SLC5A6: variants seen among roughly 807,000 people sequenced by gnomAD.
SLC5A6 encodes solute carrier family 5 member 6.
A neutral mutation model predicts 67.9 loss-of-function variants in SLC5A6; 31 were observed. The ratio of observed to expected loss-of-function variants is 0.46; its 90% CI spans 0.34 to 0.62. The LOEUF (loss-of-function observed/expected upper bound fraction) is 0.62, where lower values mean the gene tolerates loss of function less well. Ranked by LOEUF, SLC5A6 falls within the 20% of genes least tolerant of loss-of-function variation. The pLI, the probability that SLC5A6 is intolerant of heterozygous loss-of-function variation, is 0.01. For missense variants in SLC5A6, 673 were observed against 812.8 expected (o/e 0.83, Z 2.09); for synonymous variants, 343 against 331.0 (o/e 1.04, Z -0.39).
At position 27,206,539 on chromosome 2, in the gene SLC5A6, T is replaced by A; in HGVS notation, c.460-5A>T. On this transcript the variant is annotated splice_region_variant and splice_polypyrimidine_tract_variant and intron_variant, in intron 4 of 16. Transcript: ENST00000310574. The stretch of plus-strand genomic sequence containing the variant: ...CACAACTCCCATGTAGATCACCTGT[T>A]GCATGTGGAAAAAATGTGATGGGGG... 6.2e-7 allele frequency: 1 copy of A among 1,613,966 alleles called. No individual in the cohort carries two copies. Among genetic ancestry groups the A allele is most frequent in the East Asian group, 2.2e-5 (1 of 44,888 alleles).
intron 2 of SLC5A6, among the ~76,000 whole-genome samples, chr2:27,210,296 T>C (rs550325770): frequency 6.6e-6 from 1 of 152,310 alleles, no homozygotes; most frequent in Admixed American, 6.5e-5. Context: ...GATCTGTAGT[T>C]TTCTAAACAC....
rs534208208 is a variant in SLC5A6, at chr2:27,212,036, G to A, written c.-224C>T. ...CATGTTTACTGAGGGCGGATGGAGGGGCCCGAGTTTCTGCGAAGCCGCGAC... is the reference window on the plus strand; with the variant it reads ...CATGTTTACTGAGGGCGGATGGAGGAGCCCGAGTTTCTGCGAAGCCGCGAC... On this transcript the variant is annotated 5_prime_UTR_variant, in exon 1 of 17. Coordinates refer to ENST00000310574, the MANE Select transcript of SLC5A6 (RefSeq NM_021095.4). 4.6e-6 allele frequency: 4 copies of A among 863,500 alleles called. No individual in the cohort carries two copies. The highest frequency in any genetic ancestry group is 6.8e-6 in the Non-Finnish European group (4 of 586,062). 53.5% of individuals were successfully genotyped at this position (863,500 alleles called of 1,614,324 possible).
In SLC5A6 at chr2:27,204,883, G is replaced by A. The variant is rs763248415; in HGVS notation, c.783C>T (p.Phe261=). ...AGGAGAGCATCATGAAGACACCCCCGAAGGCCAAGGTCCAGAAGGTGTGCC... is the reference window on the plus strand; with the variant it reads ...AGGAGAGCATCATGAAGACACCCCCAAAGGCCAAGGTCCAGAAGGTGTGCC... ...FVRHTFWTLA[F]GGVFMMLSLY... The change falls in exon 8 of 17, where the codon TTC becomes TTT. Residue 261 remains phenylalanine, a synonymous_variant. Transcript: ENST00000310574. 13 of 1,613,958 alleles carry A rather than the reference G, an allele frequency of 8.1e-6. No individual in the cohort carries two copies. The highest frequency in any genetic ancestry group is 1.6e-4 in the Middle Eastern group (1 of 6,084).
Position 27,201,330 on chromosome 2 carries a change from C to A in SLC5A6, c.1648+20G>T. 1 of 1,534,890 alleles carries A rather than the reference C, an allele frequency of 6.5e-7. No individual in the cohort carries two copies. Among genetic ancestry groups the A allele is most frequent in the African/African-American group, 1.4e-5 (1 of 73,366 alleles). Reference sequence around the variant, plus strand: ...GTTAACCCCTCGGTGCTCATCTGCACCGCAATCCCACACCCTTACCAGTGA... The same window carrying A: ...GTTAACCCCTCGGTGCTCATCTGCAACGCAATCCCACACCCTTACCAGTGA... On this transcript the variant is annotated intron_variant, in intron 15 of 16. Transcript: ENST00000310574.
rs759555703 is a variant in SLC5A6 at position 27,206,899 on chromosome 2, G to A, written c.437C>T (p.Thr146Ile). Reference sequence around the variant, plus strand: ...TACCATCTGAAAGATGAAGGTCACAGTTCCACACACTCGCACAGTTTTATT... The same window carrying A: ...TACCATCTGAAAGATGAAGGTCACAATTCCACACACTCGCACAGTTTTATT... ...RFNKTVRVCG[T>I]VTFIFQMVIY... Residue 146 changes from threonine to isoleucine, a missense_variant, in exon 4 of 17, where the codon ACT (threonine) becomes ATT (isoleucine). Coordinates refer to ENST00000310574, the MANE Select transcript of SLC5A6 (RefSeq NM_021095.4). The A allele has an allele frequency of 3.1e-6, 5 of 1,613,724 alleles. No individual in the cohort carries two copies. Among genetic ancestry groups the A allele is most frequent in the Non-Finnish European group, 4.2e-6 (5 of 1,179,754 alleles).
chr2:27,201,606 C>G (rs1324120563), intron 14 of SLC5A6, 60 bp downstream of exon 14: 1 of 1,546,186 alleles, frequency 6.5e-7, no homozygotes, highest in Non-Finnish European at 8.9e-7. Context: ...AGCAAGACCC[C>G]TGTGAAAGCC....
In SLC5A6 at chr2:27,207,210, C is replaced by G. The variant is rs769582732; in HGVS notation, c.393+48G>C. On this transcript the variant is annotated intron_variant, in intron 3 of 16. Transcript: ENST00000310574. This position sits in a 1 kb window ranked among gnomAD's most constrained non-coding sequence, Gnocchi z 5.5. Reference sequence around the variant, plus strand: ...CTTCCTATGTGCCTGTCCCTCCTCTCCACCCCAACCCGTGTCCCACGCACT... The same window carrying G: ...CTTCCTATGTGCCTGTCCCTCCTCTGCACCCCAACCCGTGTCCCACGCACT... 1.1e-5 allele frequency: 17 copies of G among 1,593,244 alleles called. No individual in the cohort carries two copies. The highest frequency in any genetic ancestry group is 1.4e-5 in the Non-Finnish European group (16 of 1,167,256).
chr2:27,200,336 C>A lies in SLC5A6; in HGVS notation c.*100G>T. 8.2e-7 allele frequency: 1 copy of A among 1,218,434 alleles called. No individual in the cohort carries two copies. Among genetic ancestry groups the A allele is most frequent in the Non-Finnish European group, 1.1e-6 (1 of 879,472 alleles). 75.5% of individuals were successfully genotyped at this position (1,218,434 alleles called of 1,614,324 possible). ...TTGGTATGAGCTAGATCATCCAGGC[C>A]TGTCCCTGCAGAACACACCAAGACT... On this transcript the variant is annotated 3_prime_UTR_variant, in exon 17 of 17. Transcript: ENST00000310574.
At chr2:27,212,450 G>A, upstream of SLC5A6, 1 of 1,563,288 alleles carries the variant, frequency 6.4e-7, no homozygotes, top group Non-Finnish European at 8.7e-7. Flanking sequence ...CGTGGAAAGG[G>A]CTCTGGCGCT....
intron 13 of SLC5A6, 39 bp downstream of exon 13, chr2:27,201,949 C>A (rs1673675001): frequency 1.2e-6 from 2 of 1,607,906 alleles, no homozygotes; most frequent in Non-Finnish European, 1.7e-6. Flanking sequence ...CCAGGTCCAT[C>A]CTGCTACACA....
chr2:27,210,249 A>G (rs894281792), intron 2 of SLC5A6, among the ~76,000 whole-genome samples: 1 of 152,210 alleles, frequency 6.6e-6, no homozygotes, highest in Non-Finnish European at 1.5e-5. Flanking sequence ...GAAGACAGGA[A>G]AAACCTGACC....
rs1475295919 is a variant in SLC5A6 at position 27,206,545 on chromosome 2, T to C, written c.460-11A>G. On this transcript the variant is annotated splice_polypyrimidine_tract_variant and intron_variant, in intron 4 of 16. Coordinates refer to ENST00000310574, the MANE Select transcript of SLC5A6 (RefSeq NM_021095.4). ...TCCCATGTAGATCACCTGTTGCATG[T>C]GGAAAAAATGTGATGGGGGCCGGAG... is the stretch of plus-strand genomic sequence containing the variant. 4.3e-6 allele frequency: 7 copies of C among 1,613,316 alleles called. No individual in the cohort carries two copies. The South Asian group carries it at 7.7e-5, about 18-fold the overall frequency.
At chr2:27,201,478 A>G (rs1225261386) in intron 14 of SLC5A6, 25 bp from the exon 15 acceptor site, 1 of 1,527,612 alleles carries the variant, frequency 6.5e-7, no homozygotes, top group Non-Finnish European at 9.1e-7. Context: ...GGTGAGAACA[A>G]TTAGCAATTC....
At chr2:27,209,876 AC>A in intron 2 of SLC5A6, among the ~76,000 whole-genome samples, 1 of 152,324 alleles carries the variant, frequency 6.6e-6, no homozygotes, top group African/African-American at 2.4e-5. Context: ...CACATGTTCT[AC>A]AAGATTCCCA....
At position 27,201,354 on chromosome 2, in the gene SLC5A6, G is replaced by C; in HGVS notation, c.1644C>G (p.Leu548=). 1 of 1,599,968 alleles carries C rather than the reference G, an allele frequency of 6.3e-7. No homozygotes were observed. Among genetic ancestry groups the C allele is most frequent in the Non-Finnish European group, 8.6e-7 (1 of 1,167,078 alleles). The change falls in exon 15 of 17, where the codon CTC becomes CTG. Residue 548 remains leucine, a synonymous_variant. Coordinates refer to ENST00000310574, the MANE Select transcript of SLC5A6 (RefSeq NM_021095.4). ...ACCGCAATCCCACACCCTTACCAGT[G>C]AGTAGACTGACAATCAGGCCCACCA... is the stretch of plus-strand genomic sequence containing the variant. ...VIVVGLIVSL[L]TGRMRGRSLN...
Position 27,212,000 on chromosome 2 carries a change from C to G in SLC5A6, c.-208+20G>C. On this transcript the variant is annotated intron_variant, in intron 1 of 16. Transcript: ENST00000310574. The stretch of plus-strand genomic sequence containing the variant: ...CTGCCCGCCCCCTGCCCGCCCCGCT[C>G]GCCGTGCCGCCATGTTTACTGAGGG... The G allele has an allele frequency of 1.6e-6, 1 of 634,422 alleles. No homozygotes were observed. The highest frequency in any genetic ancestry group is 2.5e-6 in the Non-Finnish European group (1 of 402,022). The allele number at this position is 634,422 out of a possible 1,614,324, so 39.3% of individuals were successfully genotyped here.
intron 2 of SLC5A6, among the ~76,000 whole-genome samples, chr2:27,209,639 C>T (rs938009798): frequency 6.6e-6 from 1 of 152,208 alleles, no homozygotes; most frequent in African/African-American, 2.4e-5. Flanking sequence ...CAGTCATTCA[C>T]AGGACATAGT....
At chr2:27,212,602 A>T, upstream of SLC5A6, 1 of 1,438,940 alleles carries the variant, frequency 6.9e-7, no homozygotes, top group South Asian at 1.5e-5. Context: ...GACCCTGCCC[A>T]GCCAGGTCCT....
chr2:27,200,643 C>A, intron 16 of SLC5A6, 64 bp from the exon 17 acceptor site: 1 of 1,538,234 alleles, frequency 6.5e-7, no homozygotes, highest in Non-Finnish European at 8.8e-7. Context: ...TGACAGGATT[C>A]ACACAAAAAA....
Sources: allele counts gnomAD v4.1 joint callset (sites outside exome capture counted in the v4.1 genomes callset), GRCh38; gene constraint gnomAD v4.1.1; non-coding constraint Gnocchi (gnomAD v3.1); transcripts MANE v1.5; gene names NCBI Gene and HGNC (gene_info 2026-07-23, HGNC 2026-07-21).